Variants in PCDHA1 observed in about 807,000 individuals in gnomAD.
PCDHA1 encodes protocadherin alpha 1.
Under a neutral mutation model 61.3 loss-of-function variants are expected in PCDHA1, and 42 were observed. That is an observed-to-expected ratio of 0.69 (90% CI 0.54 to 0.89). The LOEUF is 0.89. PCDHA1 is among the 40% of genes least tolerant of loss of function. PCDHA1 has a pLI of 0.00. For missense variants in PCDHA1, 1,256 were observed against 1,235.3 expected (o/e 1.02, Z -0.25); for synonymous variants, 610 against 553.8 (o/e 1.10, Z -1.43).
intron 1 of PCDHA1, among the ~76,000 whole-genome samples, chr5:140,846,899 G>C (rs1467699891): frequency 6.7e-6 from 1 of 149,660 alleles, no homozygotes; most frequent in Admixed American, 6.7e-5. Context: ...CGTTGAAGTT[G>C]AAAGACAATC....
At chr5:140,865,776 T>C (rs1179893870) in intron 1 of PCDHA1, 1 of 152,204 alleles carries the variant, frequency 6.6e-6, no homozygotes, top group African/African-American at 2.4e-5. Flanking sequence ...ATTATTCAAA[T>C]GTGTATCTTT....
chr5:140,883,356 C>A, intron 1 of PCDHA1: 1 of 1,614,190 alleles, frequency 6.2e-7, no homozygotes, highest in Non-Finnish European at 8.5e-7. Flanking sequence ...AGAGAAGACA[C>A]TCAGCCTAGC....
chr5:140,882,897 T>A, intron 1 of PCDHA1: 1 of 1,614,220 alleles, frequency 6.2e-7, no homozygotes, highest in South Asian at 1.1e-5. Context: ...GAACATAGTT[T>A]ATTACTGACA....
chr5:140,808,132 C>T (rs781898049), intron 1 of PCDHA1: 1 of 1,614,014 alleles, frequency 6.2e-7, no homozygotes, highest in South Asian at 1.1e-5. Flanking sequence ...AAAGCAAATC[C>T]TATGAAATTA....
At chr5:140,913,028 T>C (rs1483903035) in intron 1 of PCDHA1, among the ~76,000 whole-genome samples, 1 of 152,232 alleles carries the variant, frequency 6.6e-6, no homozygotes, top group Non-Finnish European at 1.5e-5. Flanking sequence ...TCAATATTCA[T>C]CAGATATATT....
rs2150360253 is a variant in PCDHA1, at chr5:140,843,448, C to T, written c.2394+54764C>T. ...TCATCGCCATCTGCGCGGTATCCAGCCTGCTGGTGCTCACGCTGCTGCTGT... is the reference window on the plus strand; with the variant it reads ...TCATCGCCATCTGCGCGGTATCCAGTCTGCTGGTGCTCACGCTGCTGCTGT... On this transcript the variant is annotated intron_variant, in intron 1 of 3. Transcript: ENST00000504120. The T allele has an allele frequency of 1.9e-6, 3 of 1,595,998 alleles. No homozygotes were observed. The South Asian group carries it at 3.3e-5, about 18-fold the overall frequency.
At chr5:140,836,559 CCGT>C in intron 1 of PCDHA1, 1 of 1,613,740 alleles carries the variant, frequency 6.2e-7, no homozygotes, top group Non-Finnish European at 8.5e-7. Flanking sequence ...GTGCTCAGCG[CCGT>C]CCTCTGAGGG....
intron 1 of PCDHA1, chr5:140,829,426 G>A: frequency 6.2e-7 from 1 of 1,614,124 alleles, no homozygotes; most frequent in Non-Finnish European, 8.5e-7. Flanking sequence ...CTGTGGAGGT[G>A]GCCGACATGA....
At chr5:140,999,766 A>G (rs1417826824) in intron 3 of PCDHA1, among the ~76,000 whole-genome samples, 2 of 152,180 alleles carry the variant, frequency 1.3e-5, no homozygotes, top group African/African-American at 2.4e-5. Flanking sequence ...TGATGTCTTT[A>G]TACTCTTAAC....
intron 1 of PCDHA1, among the ~76,000 whole-genome samples, chr5:140,933,412 A>G (rs1466318521): frequency 2.6e-5 from 4 of 152,066 alleles, no homozygotes; most frequent in Non-Finnish European, 5.9e-5. Flanking sequence ...ATCTACAGAT[A>G]TTCTGTGTTC....
chr5:140,923,142 T>C (rs553287064), intron 1 of PCDHA1, among the ~76,000 whole-genome samples: 9 of 152,006 alleles, frequency 5.9e-5, no homozygotes, highest in Non-Finnish European at 1.2e-4. Context: ...AGGTGGAATA[T>C]AAAAAAAATT....
At chr5:140,788,952 G>A (rs1157609210) in intron 1 of PCDHA1, 1 of 600,026 alleles carries the variant, frequency 1.7e-6, no homozygotes, top group Non-Finnish European at 2.6e-6. Context: ...AAAAGGTAAT[G>A]TTGGTCATAT....
chr5:140,902,767 G>A (rs1038910114), intron 1 of PCDHA1, among the ~76,000 whole-genome samples: 2 of 145,672 alleles, frequency 1.4e-5, no homozygotes, highest in African/African-American at 5.0e-5. Flanking sequence ...TTATGTCTTT[G>A]CATTCTCATA....
intron 1 of PCDHA1, chr5:140,855,829 C>A: frequency 1.8e-6 from 1 of 560,298 alleles, no homozygotes; most frequent in East Asian, 2.9e-5. Flanking sequence ...CTCATGGAAT[C>A]GTACTTACAC....
At chr5:140,896,661 G>A (rs553525837) in intron 1 of PCDHA1, among the ~76,000 whole-genome samples, 1 of 152,220 alleles carries the variant, frequency 6.6e-6, no homozygotes. Context: ...ACAGGCATGA[G>A]TCACTGTGCC....
At chr5:140,809,046 T>A in intron 1 of PCDHA1, 1 of 1,613,828 alleles carries the variant, frequency 6.2e-7, no homozygotes, top group Non-Finnish European at 8.5e-7. Flanking sequence ...GGCGCGCGCA[T>A]CCCGTTCCGC....
chr5:140,796,491 G>T, intron 1 of PCDHA1: 1 of 1,612,282 alleles, frequency 6.2e-7, no homozygotes. Flanking sequence ...GCTACGTTTC[G>T]GTGCACGCGG....
intron 1 of PCDHA1, chr5:140,850,605 A>T (rs2041706241): frequency 6.3e-7 from 1 of 1,598,464 alleles, no homozygotes; most frequent in African/African-American, 1.3e-5. Flanking sequence ...GATCATCGCC[A>T]TCTGCGCGGT....
intron 1 of PCDHA1, chr5:140,841,656 G>A (rs2150320289): frequency 6.2e-7 from 1 of 1,614,162 alleles, no homozygotes; most frequent in Admixed American, 1.7e-5. Context: ...ATCGTGGACA[G>A]GCCGCTGCAG....
Sources: gnomAD v4.1 joint callset for allele counts (sites outside exome capture counted in the v4.1 genomes callset) on GRCh38, gnomAD v4.1.1 for gene constraint, MANE v1.5 for transcripts, NCBI Gene and HGNC (gene_info 2026-07-23, HGNC 2026-07-21) for gene names.